The following PRSS37 variants were observed in gnomAD, a reference collection of about 807,000 sequenced individuals.
PRSS37 encodes probable inactive serine protease 37.
A neutral mutation model predicts 28.0 loss-of-function variants in PRSS37; 25 were observed. The observed-to-expected ratio is 0.89, with a 90% CI of 0.65 to 1.25. The LOEUF (loss-of-function observed/expected upper bound fraction) is 1.25. Ranked by LOEUF, PRSS37 falls within the 50% of genes most tolerant of loss-of-function variation. PRSS37 has a pLI of 0.00. For missense variants in PRSS37, 282 were observed against 292.2 expected, an observed-to-expected ratio of 0.97 and a Z score of 0.25; for synonymous variants, 109 against 107.8, an observed-to-expected ratio of 1.01 and a Z score of -0.07.
intron 2 of PRSS37, chr7:141,838,339 C>A (rs758728912): frequency 1.7e-4 from 238 of 1,390,192 alleles, no homozygotes; most frequent in Admixed American, 4.1e-4. Flanking sequence ...AGTAGTGGAG[C>A]CCTTCACTAC....
rs569918864 is a variant in PRSS37, at chr7:141,841,368, G to A, written c.-319C>T. On this transcript the variant is annotated 5_prime_UTR_variant, in exon 1 of 5. Coordinates refer to ENST00000350549, the MANE Select transcript of PRSS37 (RefSeq NM_001008270.3). ...ACATCTGTTTGAAGGTAGTTCAGTT[G>A]TCTGTGGAAATGGCAGCTCTAGGCT... is the stretch of plus-strand genomic sequence containing the variant. The A allele has an allele frequency of 2.9e-6, 1 of 341,476 alleles. No homozygotes were observed. The highest frequency in any genetic ancestry group is 2.1e-5 in the African/African-American group (1 of 46,916). The allele number at this position is 341,476 out of a possible 1,614,324, so 21.2% of individuals were successfully genotyped here.
chr7:141,837,551 A>G (rs2117266021), intron 3 of PRSS37: 2 of 1,498,170 alleles, frequency 1.3e-6, no homozygotes, highest in Middle Eastern at 1.7e-4. Context: ...TATGAGAAGT[A>G]GGACCACACC....
Position 141,838,082 on chromosome 7 carries a change from T to G in PRSS37, c.208A>C (p.Ser70Arg). 3 of 1,614,140 alleles carry G rather than the reference T, an allele frequency of 1.9e-6. No individual in the cohort carries two copies. Among genetic ancestry groups the G allele is most frequent in the Non-Finnish European group, 2.5e-6 (3 of 1,180,032 alleles). The change falls in exon 3 of 5, where the codon AGC becomes CGC. Residue 70 changes from serine (S) to arginine (R), a missense_variant. Transcript: ENST00000350549. ...TGTTCAGTACCGTCTCTGACTCTGC[T>G]CTTGAAATTTCCCAGCATCACTTTC... ...NLKVMLGNFK[S>R]RVRDGTEQTI...
At chr7:141,837,453 A>G (rs968584419) in intron 3 of PRSS37, 3 of 1,074,144 alleles carry the variant, frequency 2.8e-6, no homozygotes, top group Non-Finnish European at 4.0e-6. Flanking sequence ...TTTAAGGTAG[A>G]GTATATTTTT....
In PRSS37 at chr7:141,840,965, A is replaced by G. The variant is rs749902080; in HGVS notation, c.34+51T>C. On this transcript the variant is annotated intron_variant, in intron 1 of 4. Coordinates refer to ENST00000350549, the MANE Select transcript of PRSS37 (RefSeq NM_001008270.3). ...CGCAATCCTGCCTCTGTCTCACCCC[A>G]TCCATTAAACTGTGCCTTACAGGAC... 5.1e-6 allele frequency: 8 copies of G among 1,576,954 alleles called. No homozygotes were observed. In the African/African-American group the frequency reaches 6.7e-5, roughly 13 times the overall value.
At position 141,839,375 on chromosome 7, in the gene PRSS37, G is replaced by C. The variant is rs143383663; in HGVS notation, c.139C>G (p.Pro47Ala). The change falls in exon 2 of 5, where the codon CCC becomes GCC. Residue 47 changes from proline (P) to alanine (A), a missense_variant. Physicochemically the swap from Pro to Ala is conservative, Grantham distance 27 (BLOSUM62 -1). Transcript: ENST00000350549. Reference sequence around the variant, plus strand: ...TGAGCTGGGGCCAGCACCCAGCTGGGTTTGATGAGGACGCCCACACAGGGG... The same window carrying C: ...TGAGCTGGGGCCAGCACCCAGCTGGCTTTGATGAGGACGCCCACACAGGGG... ...FNPCVGVLIK[P>A]SWVLAPAHCY... 6.2e-7 allele frequency: 1 copy of C among 1,613,788 alleles called. No individual in the cohort carries two copies. Among genetic ancestry groups the C allele is most frequent in the Admixed American group, 1.7e-5 (1 of 59,994 alleles).
chr7:141,837,776 C>T, intron 3 of PRSS37, 84 bp downstream of exon 3: 3 of 1,564,670 alleles, frequency 1.9e-6, no homozygotes, highest in East Asian at 2.3e-5. Context: ...TCCTTTCCTC[C>T]TCTCTCCTCA....
At chr7:141,837,484 G>C in intron 3 of PRSS37, 1 of 1,237,642 alleles carries the variant, frequency 8.1e-7, no homozygotes, top group Non-Finnish European at 1.1e-6. Flanking sequence ...CTGTCTTGGA[G>C]AACTAAATGA....
chr7:141,837,738 A>G (rs1007975920), intron 3 of PRSS37, 122 bp downstream of exon 3: 57 of 1,548,090 alleles, frequency 3.7e-5, no homozygotes, highest in Non-Finnish European at 1.5e-5. Flanking sequence ...CCACTCAGGT[A>G]GCATCTCTAT....
Position 141,838,164 on chromosome 7 carries a change from T to C in PRSS37, c.177-51A>G, listed in dbSNP as rs60536460. On this transcript the variant is annotated intron_variant, in intron 2 of 4. Transcript: ENST00000350549. The stretch of plus-strand genomic sequence containing the variant: ...TCATCATCATCATCATCATCATTGC[T>C]AAGATACTGAATGTTACAAAGTGCC... 2.7e-3 allele frequency: 4,361 copies of C among 1,609,424 alleles called. 119 individuals are homozygous for C. In the African/African-American group the frequency reaches 0.052, roughly 19 times the overall value.
At chr7:141,837,460 T>G in intron 3 of PRSS37, 4 of 1,125,058 alleles carry the variant, frequency 3.6e-6, no homozygotes, top group Non-Finnish European at 5.0e-6. Flanking sequence ...TAGAGTATAT[T>G]TTTAATTGGT....
At chr7:141,838,946 C>G in intron 2 of PRSS37, 1 of 459,042 alleles carries the variant, frequency 2.2e-6, no homozygotes, top group Non-Finnish European at 4.3e-6. Context: ...CTCAATTGAC[C>G]CAATTTGAGT....
chr7:141,839,430 G>A lies in PRSS37; in HGVS notation c.84C>T (p.Pro28=), dbSNP rs746371095. 2 of 1,613,770 alleles carry A rather than the reference G, an allele frequency of 1.2e-6. No homozygotes were observed. The highest frequency in any genetic ancestry group is 1.7e-6 in the Non-Finnish European group (2 of 1,179,734). ...AGTGAGACTTGAGGTACACCAAATA[G>A]GGAGCAGGGTCTTCTTTCTGAACAG... The part of the protein sequence containing the change: ...DSSVQKEDPA[P]YLVYLKSHFN... Residue 28 remains proline (P), a synonymous_variant, in exon 2 of 5, where the codon CCC becomes CCT. Transcript: ENST00000350549.
At chr7:141,838,263 T>G in intron 2 of PRSS37, 150 bp from the exon 3 acceptor site, 1 of 1,459,362 alleles carries the variant, frequency 6.9e-7, no homozygotes, top group East Asian at 2.4e-5. Context: ...GATTCCATTT[T>G]TATCCCCATT....
At chr7:141,840,264 C>T (rs146272348) in intron 1 of PRSS37, among the ~76,000 whole-genome samples, 46 of 152,132 alleles carry the variant, frequency 3.0e-4, no homozygotes, top group African/African-American at 1.1e-3. Context: ...TTAAAACATA[C>T]CCTAGAGAAT....
intron 2 of PRSS37, chr7:141,838,554 A>T: frequency 1.4e-6 from 1 of 694,860 alleles, no homozygotes; most frequent in African/African-American, 1.9e-5. Context: ...TTGGAAGGGG[A>T]CATATATGGA....
Position 141,838,019 on chromosome 7 carries a change from A to C in PRSS37, c.271T>G (p.Tyr91Asp). The C allele has an allele frequency of 6.2e-7, 1 of 1,614,172 alleles. No homozygotes were observed. Among genetic ancestry groups the C allele is most frequent in the Non-Finnish European group, 8.5e-7 (1 of 1,180,026 alleles). The change falls in exon 3 of 5, where the codon TAC becomes GAC. Residue 91 changes from tyrosine (Y) to aspartate (D), a missense_variant. Physicochemically the swap from Tyr to Asp is radical, Grantham distance 160. Transcript: ENST00000350549. ...TCATCCTGTGGGGCGCTATGACTGT[A>C]GTTCCAGTAGCGGACGATCTGAATG... ...NPIQIVRYWN[Y>D]SHSAPQDDLM... is the part of the protein sequence containing the mutation.
intron 1 of PRSS37, 92 bp downstream of exon 1, chr7:141,840,924 C>T: frequency 7.6e-7 from 1 of 1,317,832 alleles, no homozygotes. Context: ...ATTTTTGACT[C>T]TTTTTCTGCA....
chr7:141,840,305 A>G (rs1436123934), intron 1 of PRSS37, among the ~76,000 whole-genome samples: 1 of 152,190 alleles, frequency 6.6e-6, no homozygotes, highest in Non-Finnish European at 1.5e-5. Flanking sequence ...CTAGTATCAG[A>G]AATAAAGCCC....
Sources: allele counts gnomAD v4.1 joint callset (sites outside exome capture counted in the v4.1 genomes callset), GRCh38; gene constraint gnomAD v4.1.1; transcripts MANE v1.5; gene names NCBI Gene and HGNC (gene_info 2026-07-23, HGNC 2026-07-21).